Variants in CXCL12 observed in about 807,000 individuals in gnomAD.
The protein encoded by CXCL12 is C-X-C motif chemokine ligand 12.
Under a neutral mutation model 10.7 loss-of-function variants are expected in CXCL12, and 4 were observed. That is an observed-to-expected ratio of 0.37 (90% CI 0.18 to 0.86). The LOEUF (loss-of-function observed/expected upper bound fraction) is 0.86, where lower values mean the gene tolerates loss of function less well. CXCL12 is among the 40% of genes least tolerant of loss of function. CXCL12 has a pLI of 0.43. For synonymous variants in CXCL12, 54 were observed against 45.4 expected, an observed-to-expected ratio of 1.19 and a Z score of -0.77; for missense variants, 122 against 110.4, an observed-to-expected ratio of 1.10 and a Z score of -0.47.
rs543695029 is a variant in CXCL12 at position 44,385,034 on chromosome 10, C to A, written c.-29G>T. On this transcript the variant is annotated 5_prime_UTR_variant, in exon 1 of 3. Coordinates refer to ENST00000343575, the MANE Select transcript of CXCL12 (RefSeq NM_199168.4). Reference sequence around the variant, plus strand: ...GCGGGCGGGCGGGCGGGCGGGCGGACGAGCGCGGGTCGGGGGCCGGACGCC... The same window carrying A: ...GCGGGCGGGCGGGCGGGCGGGCGGAAGAGCGCGGGTCGGGGGCCGGACGCC... The A allele has an allele frequency of 6.1e-5, 88 of 1,436,634 alleles. 1 individual carries two copies. In the East Asian group the frequency reaches 1.5e-3, roughly 24 times the overall value. 89.0% of individuals were successfully genotyped at this position (1,436,634 alleles called of 1,614,324 possible). A position where few individuals can be genotyped will look rare whatever the true frequency, so the allele number is the denominator to read the frequency against.
At chr10:44,372,662 C>T, downstream of CXCL12, 2 of 1,402,748 alleles carry the variant, frequency 1.4e-6, no homozygotes, top group Admixed American at 3.1e-5. Flanking sequence ...CGTGGACACA[C>T]ATGATGATGG....
Position 44,377,858 on chromosome 10 carries a change from C to G in CXCL12, c.*775G>C, listed in dbSNP as rs754639751. ...CCTGGGAGGAGAGGGATGCAGGGCA[C>G]GAGCCCCAGCAATCACCCTCTTCCC... On this transcript the variant is annotated 3_prime_UTR_variant, in exon 3 of 3. Coordinates refer to ENST00000343575, the MANE Select transcript of CXCL12 (RefSeq NM_199168.4). The G allele has an allele frequency of 2.5e-6, 4 of 1,585,720 alleles. No homozygotes were observed. In the Admixed American group the frequency reaches 6.9e-5, roughly 27 times the overall value.
downstream of CXCL12, chr10:44,372,928 C>A (rs538248533): frequency 1.9e-4 from 287 of 1,535,996 alleles, 2 homozygotes; most frequent in South Asian, 3.2e-3. Context: ...CACCCCCAGG[C>A]GTCCCTCTTG....
Position 44,377,503 on chromosome 10 carries a change from G to C in CXCL12, c.*1130C>G, listed in dbSNP as rs1839491127. The C allele has an allele frequency of 5.1e-6, 7 of 1,363,410 alleles. No homozygotes were observed. Among genetic ancestry groups the C allele is most frequent in the Non-Finnish European group, 6.6e-6 (7 of 1,063,150 alleles). 84.5% of individuals were successfully genotyped at this position (1,363,410 alleles called of 1,614,324 possible). A position where few individuals can be genotyped will look rare whatever the true frequency, so the allele number is the denominator to read the frequency against. ...CATTTATGCATGGAAATGTCACCTT[G>C]CCAACAGTTCTGATTGGAACCTGAA... On this transcript the variant is annotated 3_prime_UTR_variant, in exon 3 of 3. Coordinates refer to ENST00000343575, the MANE Select transcript of CXCL12 (RefSeq NM_199168.4).
rs1285828059 is a variant in CXCL12 at position 44,384,998 on chromosome 10, G to C, written c.8C>G (p.Ala3Gly). 1 of 1,476,610 alleles carries C rather than the reference G, an allele frequency of 6.8e-7. No individual in the cohort carries two copies. The highest frequency in any genetic ancestry group is 8.9e-7 in the Non-Finnish European group (1 of 1,118,078). 91.5% of individuals were successfully genotyped at this position (1,476,610 alleles called of 1,614,324 possible). A position where few individuals can be genotyped will look rare whatever the true frequency, so the allele number is the denominator to read the frequency against. MN[A>G]KVVVVLVLVL... ...GAGGACCAGCACGACCACGACCTTG[G>C]CGTTCATGGCGCGGGCGGGCGGGCG... The change falls in exon 1 of 3, where the codon GCC becomes GGC. Residue 3 changes from alanine (A) to glycine (G), a missense_variant. By Grantham distance (60) the Ala-to-Gly change is moderately conservative. Transcript: ENST00000343575.
chr10:44,377,608 C>T lies in CXCL12; in HGVS notation c.*1025G>A, dbSNP rs972320438. The T allele has an allele frequency of 2.0e-6, 3 of 1,508,214 alleles. No individual in the cohort carries two copies. Among genetic ancestry groups the T allele is most frequent in the Non-Finnish European group, 8.8e-7 (1 of 1,135,742 alleles). 93.4% of individuals were successfully genotyped at this position (1,508,214 alleles called of 1,614,324 possible). A position where few individuals can be genotyped will look rare whatever the true frequency, so the allele number is the denominator to read the frequency against. On this transcript the variant is annotated 3_prime_UTR_variant, in exon 3 of 3. Coordinates refer to ENST00000343575, the MANE Select transcript of CXCL12 (RefSeq NM_199168.4). ...TTTTTTCGCTTCTGATTTCGGAAAC[C>T]TCAGAGTTTGTTAGTGCCTCCATGG...
exon 4 of CXCL12, chr10:44,370,286 C>T (rs923923221): frequency 1.3e-5 from 2 of 152,526 alleles, no homozygotes; most frequent in Non-Finnish European, 2.9e-5. Flanking sequence ...TTTTTTAAAG[C>T]ACGCTGCGTA....
At chr10:44,373,062 C>T (rs1370709297), downstream of CXCL12, 1 of 1,536,296 alleles carries the variant, frequency 6.5e-7, no homozygotes, top group Non-Finnish European at 8.7e-7. Context: ...CGTGGAAAGA[C>T]ACTCTAATAA....
In CXCL12 at chr10:44,378,568, A is replaced by T; in HGVS notation, c.*65T>A. On this transcript the variant is annotated 3_prime_UTR_variant, in exon 3 of 3. Transcript: ENST00000343575. ...CCCTCCCCCACGTCTTTGCCCTTTCATCTCTCACAAGGTTTTAGTTTTCCT... is the reference window on the plus strand; with the variant it reads ...CCCTCCCCCACGTCTTTGCCCTTTCTTCTCTCACAAGGTTTTAGTTTTCCT... 6.2e-7 allele frequency: 1 copy of T among 1,610,420 alleles called. No individual in the cohort carries two copies. The highest frequency in any genetic ancestry group is 2.2e-5 in the East Asian group (1 of 44,770).
At chr10:44,384,858 G>T (rs1839749763) in intron 1 of CXCL12, 87 bp downstream of exon 1, 2 of 1,350,742 alleles carry the variant, frequency 1.5e-6, no homozygotes, top group East Asian at 5.4e-5. Context: ...CGCAAACTGC[G>T]GGCGCAGGCA....
rs746534969 is a variant in CXCL12, at chr10:44,377,769, G to A, written c.*864C>T. On this transcript the variant is annotated 3_prime_UTR_variant, in exon 3 of 3. Coordinates refer to ENST00000343575, the MANE Select transcript of CXCL12 (RefSeq NM_199168.4). The stretch of plus-strand genomic sequence containing the variant: ...GACCATTACACATCCCCAGGAGAGG[G>A]CCAGCTCCATTCTGGAGGAGGCCAA... 1.3e-6 allele frequency: 2 copies of A among 1,598,220 alleles called. No individual in the cohort carries two copies. Among genetic ancestry groups the A allele is most frequent in the South Asian group, 1.1e-5 (1 of 91,036 alleles).
intron 1 of CXCL12, among the ~76,000 whole-genome samples, 162 bp downstream of exon 1, chr10:44,384,783 G>C (rs1221344153): frequency 6.6e-6 from 1 of 152,202 alleles, no homozygotes; most frequent in Non-Finnish European, 1.5e-5. Flanking sequence ...GTAGGGCTTT[G>C]AACGCGACAC....
chr10:44,372,514 A>G (rs1018989556), downstream of CXCL12: 21 of 585,748 alleles, frequency 3.6e-5, no homozygotes, highest in Non-Finnish European at 4.6e-5. Flanking sequence ...AGGATTGGAC[A>G]ATGGACAATA....
chr10:44,380,941 C>G (rs1336304588), intron 1 of CXCL12, 61 bp from the exon 2 acceptor site: 3 of 1,347,412 alleles, frequency 2.2e-6, no homozygotes, highest in Non-Finnish European at 3.2e-6. Context: ...TAATGTGTGT[C>G]TGGGCTGCAG....
downstream of CXCL12, among the ~76,000 whole-genome samples, chr10:44,375,600 A>T (rs1839429005): frequency 6.6e-6 from 1 of 152,208 alleles, no homozygotes. Flanking sequence ...CTTCTAAGAG[A>T]GGAAGTGGAG....
chr10:44,378,541 C>CT lies in CXCL12; in HGVS notation c.*91_*92insA. On this transcript the variant is annotated 3_prime_UTR_variant, in exon 3 of 3. Coordinates refer to ENST00000343575, the MANE Select transcript of CXCL12 (RefSeq NM_199168.4). ...ACACACCTGGTCCTCATGGTTAAGG[C>CT]CCCCTCCCCCACGTCTTTGCCCTTT... 1.3e-6 allele frequency: 2 copies of CT among 1,583,676 alleles called. No individual in the cohort carries two copies. The highest frequency in any genetic ancestry group is 1.7e-6 in the Non-Finnish European group (2 of 1,164,224).
chr10:44,377,773 G>A lies in CXCL12; in HGVS notation c.*860C>T. The A allele has an allele frequency of 3.8e-6, 6 of 1,598,350 alleles. No homozygotes were observed. The South Asian group carries it at 6.6e-5, about 18-fold the overall frequency. The stretch of plus-strand genomic sequence containing the variant: ...ATTACACATCCCCAGGAGAGGGCCA[G>A]CTCCATTCTGGAGGAGGCCAAAGAC... On this transcript the variant is annotated 3_prime_UTR_variant, in exon 3 of 3. Coordinates refer to ENST00000343575, the MANE Select transcript of CXCL12 (RefSeq NM_199168.4).
chr10:44,371,239 T>C (rs1839304594), downstream of CXCL12: 1 of 289,932 alleles, frequency 3.4e-6, no homozygotes, highest in African/African-American at 2.3e-5. Context: ...TTATCTATTT[T>C]CTCCCATGGA....
chr10:44,374,269 A>T (rs1182756704), downstream of CXCL12: 9 of 364,518 alleles, frequency 2.5e-5, no homozygotes, highest in Non-Finnish European at 3.8e-5. Flanking sequence ...CAGACTGGCC[A>T]CCCCTCCCCA....
Sources: gnomAD v4.1 joint callset for allele counts (sites outside exome capture counted in the v4.1 genomes callset) on GRCh38, gnomAD v4.1.1 for gene constraint, MANE v1.5 for transcripts, NCBI Gene and HGNC (gene_info 2026-07-23, HGNC 2026-07-21) for gene names.